INSL6: variants seen among roughly 807,000 people sequenced by gnomAD.
The protein encoded by INSL6 is insulin like 6.
In INSL6, 16 loss-of-function variants were observed where a neutral mutation model predicts 9.4. The observed-to-expected ratio is 1.70, with a 90% CI of 1.15 to 2.59. The LOEUF (loss-of-function observed/expected upper bound fraction) is 2.59, where lower values mean the gene tolerates loss of function less well. Among genes scored for constraint, INSL6 ranks in the 30% most tolerant of loss-of-function variants. The pLI is 0.00. For missense variants in INSL6, 391 were observed against 257.3 expected (o/e 1.52, Z -3.56); for synonymous variants, 154 against 96.9 (o/e 1.59, Z -3.46).
chr9:5,023,439 G>T, the INSL6 span, among the ~76,000 whole-genome samples: 1 of 152,198 alleles, frequency 6.6e-6, no homozygotes, highest in South Asian at 2.1e-4. Context: ...GACTCGGGGG[G>T]AGCGTGGGAC....
chr9:5,068,415 CTG>C, the INSL6 span, among the ~76,000 whole-genome samples: 2 of 152,128 alleles, frequency 1.3e-5, no homozygotes, highest in Non-Finnish European at 1.5e-5. Flanking sequence ...AGTGGAATGG[CTG>C]TATGTTCACC....
the INSL6 span, chr9:5,041,106 C>T: frequency 1.3e-6 from 1 of 785,694 alleles, no homozygotes; most frequent in Non-Finnish European, 2.1e-6. Context: ...ACCTGTTCGA[C>T]CTTCACGCCC....
chr9:5,049,738 A>T, the INSL6 span, among the ~76,000 whole-genome samples: 2 of 152,198 alleles, frequency 1.3e-5, no homozygotes, highest in African/African-American at 4.8e-5. Context: ...AGGCAATTTT[A>T]TTGTTCTGTG....
intron 2 of INSL6, among the ~76,000 whole-genome samples, chr9:5,139,517 A>C (rs1297151239): frequency 1.3e-5 from 2 of 152,190 alleles, no homozygotes; most frequent in Non-Finnish European, 1.5e-5. Flanking sequence ...GTGTTATTTA[A>C]ATTAGACACT....
At chr9:5,102,289 C>G in the INSL6 span, among the ~76,000 whole-genome samples, 1 of 151,992 alleles carries the variant, frequency 6.6e-6, no homozygotes, top group Admixed American at 6.5e-5. Flanking sequence ...GAAAGGGTAT[C>G]AGTGATTGAA....
chr9:5,006,020 A>C, the INSL6 span, among the ~76,000 whole-genome samples: 18 of 152,262 alleles, frequency 1.2e-4, no homozygotes, highest in Admixed American at 5.2e-4. Context: ...GTTTTTTCCA[A>C]TTCTGTGAAG....
chr9:5,057,118 T>G, the INSL6 span, among the ~76,000 whole-genome samples: 1 of 152,142 alleles, frequency 6.6e-6, no homozygotes, highest in African/African-American at 2.4e-5. Context: ...ACAAGTATTA[T>G]TTTATGTTTT....
the INSL6 span, among the ~76,000 whole-genome samples, chr9:5,070,818 G>A: frequency 6.6e-6 from 1 of 152,090 alleles, no homozygotes; most frequent in South Asian, 2.1e-4. Flanking sequence ...GTCAGGTGGT[G>A]AGGGTTGATG....
At chr9:5,146,507 G>A (rs1160045214) in intron 2 of INSL6, among the ~76,000 whole-genome samples, 1 of 152,226 alleles carries the variant, frequency 6.6e-6, no homozygotes, top group African/African-American at 2.4e-5. Flanking sequence ...TAGCACAGGT[G>A]TGGGTGGCCT....
chr9:5,114,327 G>A, the INSL6 span: 2 of 539,080 alleles, frequency 3.7e-6, no homozygotes, highest in African/African-American at 3.8e-5. Flanking sequence ...GAAGTCTGTG[G>A]CTCAGGTCAT....
the INSL6 span, chr9:5,095,011 C>T: frequency 5.3e-5 from 8 of 152,030 alleles, no homozygotes; most frequent in African/African-American, 1.9e-4. Context: ...CATTCCACCC[C>T]AAACATAGGA....
At chr9:5,041,677 T>G in the INSL6 span, 14 of 511,266 alleles carry the variant, frequency 2.7e-5, no homozygotes, top group South Asian at 2.1e-4. Context: ...TCCAGCTACC[T>G]CTTCGACCGA....
downstream of INSL6, among the ~76,000 whole-genome samples, chr9:5,158,961 TATAA>T (rs1824869648): frequency 6.6e-6 from 1 of 152,148 alleles, no homozygotes. Flanking sequence ...AGTATAATGA[TATAA>T]ATAGACACAA....
chr9:5,115,210 G>A, the INSL6 span, among the ~76,000 whole-genome samples: 5 of 151,940 alleles, frequency 3.3e-5, no homozygotes, highest in Admixed American at 2.6e-4. Context: ...ACTTAAACAA[G>A]TTCACAAGAA....
chr9:5,132,456 T>C (rs1006106203), intron 3 of INSL6, among the ~76,000 whole-genome samples: 4 of 152,166 alleles, frequency 2.6e-5, no homozygotes, highest in African/African-American at 4.8e-5. Context: ...CAAAAATACC[T>C]TGGTTCTAGT....
At chr9:5,119,473 C>G (rs1354466933), downstream of INSL6, among the ~76,000 whole-genome samples, 1 of 151,782 alleles carries the variant, frequency 6.6e-6, no homozygotes, top group Non-Finnish European at 1.5e-5. Context: ...GGACCTGTAT[C>G]TCTGCCTATA....
chr9:5,008,020 C>T, the INSL6 span, among the ~76,000 whole-genome samples: 12 of 152,236 alleles, frequency 7.9e-5, no homozygotes, highest in Non-Finnish European at 1.2e-4. Context: ...TGAGCCACCG[C>T]GCCTGGCCCT....
At chr9:5,008,703 T>C in the INSL6 span, among the ~76,000 whole-genome samples, 1 of 152,222 alleles carries the variant, frequency 6.6e-6, no homozygotes, top group Non-Finnish European at 1.5e-5. Flanking sequence ...TTGATTTGTA[T>C]CGGTACAGTT....
the INSL6 span, chr9:5,112,793 C>G: frequency 1.8e-6 from 1 of 558,904 alleles, no homozygotes; most frequent in Non-Finnish European, 2.8e-6. Flanking sequence ...CCAGATGGTG[C>G]TTTCAGCTGC....
Sources: gnomAD v4.1 joint callset for allele counts (sites outside exome capture counted in the v4.1 genomes callset) on GRCh38, gnomAD v4.1.1 for gene constraint, MANE v1.5 for transcripts, NCBI Gene and HGNC (gene_info 2026-07-23, HGNC 2026-07-21) for gene names.